ROBO2: variants seen among roughly 807,000 people sequenced by gnomAD.
ROBO2 encodes roundabout guidance receptor 2.
A neutral mutation model predicts 160.8 loss-of-function variants in ROBO2; 53 were observed. The ratio of observed to expected loss-of-function variants is 0.33; its 90% CI spans 0.26 to 0.41. ROBO2 has a LOEUF of 0.41. ROBO2 is among the 10% of genes least tolerant of loss of function. ROBO2 has a pLI of 1.00. For missense variants in ROBO2, 1,577 were observed against 1,722.4 expected (o/e 0.92, Z 1.49); for synonymous variants, 664 against 611.7 (o/e 1.09, Z -1.26).
intron 2 of ROBO2, among the ~76,000 whole-genome samples, chr3:76,176,648 C>T (rs2073244136): frequency 6.6e-6 from 1 of 152,104 alleles, no homozygotes; most frequent in East Asian, 1.9e-4. Flanking sequence ...ACTCTGTTAT[C>T]ATCTGGGAGA....
chr3:76,940,145 G>A (rs13091686), intron 2 of ROBO2, among the ~76,000 whole-genome samples: 69,264 of 151,594 alleles, frequency 0.46, 16,208 homozygotes, highest in African/African-American at 0.56. Flanking sequence ...CCACGCCCGG[G>A]TAATTTTTTT....
chr3:76,836,877 G>C (rs2067741326), intron 2 of ROBO2, among the ~76,000 whole-genome samples: 1 of 151,708 alleles, frequency 6.6e-6, no homozygotes, highest in South Asian at 2.1e-4. Context: ...GGAGTGTTCT[G>C]CAAATATCAA....
chr3:77,220,186 AT>A (rs371705919), intron 2 of ROBO2, among the ~76,000 whole-genome samples: 1 of 151,778 alleles, frequency 6.6e-6, no homozygotes, highest in Non-Finnish European at 1.5e-5. Flanking sequence ...AATTTTTGTA[AT>A]TTTTAGTACA....
chr3:77,457,993 C>A (rs1348717630), intron 2 of ROBO2, among the ~76,000 whole-genome samples: 1 of 152,048 alleles, frequency 6.6e-6, no homozygotes, highest in Non-Finnish European at 1.5e-5. Context: ...TTTGATTATG[C>A]AAAACCATGA....
At chr3:76,481,692 C>A (rs2079217592) in intron 2 of ROBO2, among the ~76,000 whole-genome samples, 1 of 151,992 alleles carries the variant, frequency 6.6e-6, no homozygotes, top group Non-Finnish European at 1.5e-5. Flanking sequence ...TGAGTGAATC[C>A]CAGAAATCTG....
At chr3:77,593,899 G>GAA (rs150020037) in intron 17 of ROBO2, among the ~76,000 whole-genome samples, 1 of 151,682 alleles carries the variant, frequency 6.6e-6, no homozygotes, top group African/African-American at 2.4e-5. Context: ...CTCACCACAG[G>GAA]AAAAAAAATC....
chr3:77,577,671 G>A, intron 15 of ROBO2, 57 bp downstream of exon 16: 1 of 1,596,778 alleles, frequency 6.3e-7, no homozygotes. Context: ...AGAAATCTCA[G>A]TGTCTCACGA....
At chr3:76,262,751 G>T in intron 2 of ROBO2, among the ~76,000 whole-genome samples, 1 of 151,994 alleles carries the variant, frequency 6.6e-6, no homozygotes, top group Non-Finnish European at 1.5e-5. Context: ...ATGTTTCCAG[G>T]GGTCATAAAA....
chr3:76,616,236 A>G (rs2088571320), intron 2 of ROBO2, among the ~76,000 whole-genome samples: 1 of 152,212 alleles, frequency 6.6e-6, no homozygotes, highest in South Asian at 2.1e-4. Context: ...TTTTATCCAA[A>G]TCTAACTTTT....
chr3:77,547,628 T>G (rs2092748752), intron 7 of ROBO2, among the ~76,000 whole-genome samples: 1 of 152,072 alleles, frequency 6.6e-6, no homozygotes. Flanking sequence ...TACCAGCTCA[T>G]AGTGAGCAGT....
At chr3:76,278,964 A>C (rs1708085158) in intron 2 of ROBO2, among the ~76,000 whole-genome samples, 1 of 151,888 alleles carries the variant, frequency 6.6e-6, no homozygotes, top group South Asian at 2.1e-4. Flanking sequence ...ATACTCATAG[A>C]CTATGGGCTT....
intron 2 of ROBO2, among the ~76,000 whole-genome samples, chr3:76,721,852 T>A (rs2093471757): frequency 1.3e-5 from 2 of 152,194 alleles, no homozygotes; most frequent in African/African-American, 4.8e-5. Context: ...ACCCAGTGTG[T>A]TACAATTGGC....
At chr3:76,661,929 A>G (rs759505849) in intron 2 of ROBO2, among the ~76,000 whole-genome samples, 19 of 152,262 alleles carry the variant, frequency 1.2e-4, no homozygotes, top group Middle Eastern at 3.4e-3. Context: ...AAATACTTCA[A>G]TTTCTTTCAG....
chr3:76,160,212 C>T (rs527917541), intron 2 of ROBO2, among the ~76,000 whole-genome samples: 2 of 152,226 alleles, frequency 1.3e-5, no homozygotes, highest in South Asian at 4.2e-4. Flanking sequence ...TTACTTTCGT[C>T]TCTCGGTAGC....
intron 2 of ROBO2, among the ~76,000 whole-genome samples, chr3:76,093,410 C>T (rs950756988): frequency 8.0e-5 from 12 of 150,404 alleles, no homozygotes; most frequent in East Asian, 2.0e-4. Flanking sequence ...AAAATGCATA[C>T]GGCAAATCAA....
At chr3:76,034,779 T>G (rs1380164831) in intron 2 of ROBO2, among the ~76,000 whole-genome samples, 1 of 152,098 alleles carries the variant, frequency 6.6e-6, no homozygotes, top group African/African-American at 2.4e-5. Context: ...CGTGTGACAT[T>G]TATGAGCCTT....
chr3:76,542,476 G>A (rs1424718985), intron 2 of ROBO2, among the ~76,000 whole-genome samples: 1 of 152,100 alleles, frequency 6.6e-6, no homozygotes, highest in East Asian at 1.9e-4. Context: ...GTTGGTCATA[G>A]GAAAGTTGTA....
chr3:76,914,215 G>A (rs2076173791), intron 2 of ROBO2, among the ~76,000 whole-genome samples: 1 of 152,184 alleles, frequency 6.6e-6, no homozygotes, highest in African/African-American at 2.4e-5. Context: ...GTTGCATGGA[G>A]AGGGTATTCC....
intron 2 of ROBO2, 24 bp downstream of exon 2, chr3:77,098,364 T>C (rs1278900339): frequency 6.2e-7 from 1 of 1,608,340 alleles, no homozygotes; most frequent in Admixed American, 1.7e-5. Flanking sequence ...ATGAACCTCA[T>C]GTGCACATTT....
Sources: allele counts gnomAD v4.1 joint callset (sites outside exome capture counted in the v4.1 genomes callset), GRCh38; gene constraint gnomAD v4.1.1; transcripts MANE v1.5; gene names NCBI Gene and HGNC (gene_info 2026-07-23, HGNC 2026-07-21).